PIK3C2A: variants seen among roughly 807,000 people sequenced by gnomAD.
PIK3C2A encodes phosphatidylinositol-4-phosphate 3-kinase catalytic subunit type 2 alpha.
Under a neutral mutation model 204.5 loss-of-function variants are expected in PIK3C2A, and 97 were observed. The ratio of observed to expected loss-of-function variants is 0.47; its 90% CI spans 0.40 to 0.56. The LOEUF (loss-of-function observed/expected upper bound fraction) is 0.56, where lower values mean the gene tolerates loss of function less well. Among genes scored for constraint, PIK3C2A ranks in the 20% least tolerant of loss-of-function variants. The pLI is 0.00. For missense variants in PIK3C2A, 1,735 were observed against 1,969.2 expected (o/e 0.88, Z 2.25); for synonymous variants, 653 against 664.4 (o/e 0.98, Z 0.26).
At chr11:17,199,301 C>T (rs1170460574) in intron 1 of PIK3C2A, among the ~76,000 whole-genome samples, 2 of 152,128 alleles carry the variant, frequency 1.3e-5, no homozygotes, top group Admixed American at 1.3e-4. Flanking sequence ...GGTACAGCCA[C>T]TTTGGAAAAC....
chr11:17,195,457 T>C lies in PIK3C2A; in HGVS notation c.-66+12391A>G, dbSNP rs188815058. On this transcript the variant is annotated intron_variant, in intron 1 of 32. Coordinates refer to ENST00000691414, the MANE Select transcript of PIK3C2A (RefSeq NM_002645.4). ...AAACATGGCCAGGTGCAGTGGCTCA[T>C]GCCAGCAAACCCAGCACTTTGGGAG... Among the ~76,000 whole-genome samples, 1,080 of 151,604 alleles carry C rather than the reference T, an allele frequency of 7.1e-3. 22 individuals carry two copies. The highest frequency in any genetic ancestry group is 0.025 in the African/African-American group (1,031 of 41,348).
At chr11:17,099,776 T>C (rs1848562112) in intron 26 of PIK3C2A, 84 bp downstream of exon 26, 2 of 655,976 alleles carry the variant, frequency 3.0e-6, no homozygotes, top group East Asian at 5.2e-5. Flanking sequence ...AGAATTTTGA[T>C]AAATAGCATT....
At chr11:17,097,832 T>C (rs1848496738) in intron 26 of PIK3C2A, among the ~76,000 whole-genome samples, 1 of 152,194 alleles carries the variant, frequency 6.6e-6, no homozygotes, top group African/African-American at 2.4e-5. Context: ...GAGAATTGCT[T>C]GAACCCAGGA....
At chr11:17,207,003 A>T (rs546562660) in intron 1 of PIK3C2A, among the ~76,000 whole-genome samples, 1 of 152,330 alleles carries the variant, frequency 6.6e-6, no homozygotes, top group Non-Finnish European at 1.5e-5. Flanking sequence ...GTATAGGAAA[A>T]GAACTACAAC....
chr11:17,119,117 T>C, intron 17 of PIK3C2A, 103 bp downstream of exon 17: 3 of 721,472 alleles, frequency 4.2e-6, no homozygotes, highest in Non-Finnish European at 7.2e-6. Context: ...GTTCCCACAC[T>C]AAAAAACGAC....
intron 2 of PIK3C2A, among the ~76,000 whole-genome samples, chr11:17,160,831 C>T (rs745891799): frequency 2.0e-5 from 3 of 151,960 alleles, no homozygotes; most frequent in Non-Finnish European, 2.9e-5. Context: ...CTTAACAAAA[C>T]CAAACCAAAA....
chr11:17,163,041 C>G (rs925012156), intron 2 of PIK3C2A, among the ~76,000 whole-genome samples: 2 of 151,990 alleles, frequency 1.3e-5, no homozygotes, highest in Non-Finnish European at 1.5e-5. Flanking sequence ...GCACGGTGGC[C>G]ACGCCTATAA....
chr11:17,129,937 A>C (rs1565261885), intron 12 of PIK3C2A, among the ~76,000 whole-genome samples: 1 of 152,352 alleles, frequency 6.6e-6, no homozygotes, highest in East Asian at 1.9e-4. Context: ...AGTCTGGCTA[A>C]CTTGTCCTAT....
intron 8 of PIK3C2A, chr11:17,138,194 T>C (rs981266257): frequency 3.2e-6 from 3 of 949,866 alleles, no homozygotes; most frequent in Admixed American, 1.7e-5. Flanking sequence ...ACACACCACA[T>C]GCAGATTTTG....
intron 13 of PIK3C2A, 151 bp from the exon 14 acceptor site, chr11:17,122,964 T>C (rs1384070558): frequency 3.6e-6 from 2 of 549,402 alleles, no homozygotes; most frequent in African/African-American, 1.9e-5. Context: ...ACTCTCCACA[T>C]TGTACTGAAA....
rs778644549 is a variant in PIK3C2A, at chr11:17,122,707, G to A, written c.2506C>T (p.Leu836=). The A allele has an allele frequency of 2.3e-6, 3 of 1,313,978 alleles. No individual in the cohort carries two copies. The highest frequency in any genetic ancestry group is 3.3e-6 in the Non-Finnish European group (3 of 911,556). The allele number at this position is 1,313,978 out of a possible 1,614,324, so 81.4% of individuals were successfully genotyped here. Residue 836 remains leucine (L), a synonymous_variant, in exon 14 of 33, where the codon CTA becomes TTA. Transcript: ENST00000691414. ...ATGTCAAGAAGTACCATTACCTGTAGCACTATTCTTTCCATGACATATCCT... is the reference window on the plus strand; with the variant it reads ...ATGTCAAGAAGTACCATTACCTGTAACACTATTCTTTCCATGACATATCCT... The part of the protein sequence containing the change: ...KKGYVMERIV[L]QVDFPSPAFD...
At chr11:17,149,459 G>T (rs1186388355) in intron 4 of PIK3C2A, among the ~76,000 whole-genome samples, 1 of 152,116 alleles carries the variant, frequency 6.6e-6, no homozygotes, top group Non-Finnish European at 1.5e-5. Context: ...GGTATCTGAA[G>T]GGGGTCCTGG....
chr11:17,204,110 G>T (rs1211451628), intron 1 of PIK3C2A, among the ~76,000 whole-genome samples: 1 of 150,590 alleles, frequency 6.6e-6, no homozygotes, highest in Non-Finnish European at 1.5e-5. Context: ...CTCCTGCCTC[G>T]ATCCTCCAAA....
chr11:17,152,416 T>C (rs1156509294), intron 3 of PIK3C2A, among the ~76,000 whole-genome samples: 3 of 152,112 alleles, frequency 2.0e-5, no homozygotes, highest in Non-Finnish European at 4.4e-5. Flanking sequence ...TTCCTTACAA[T>C]TGAGGTTTTT....
intron 8 of PIK3C2A, chr11:17,138,324 CCT>C: frequency 8.0e-6 from 3 of 373,368 alleles, no homozygotes; most frequent in East Asian, 4.3e-5. Flanking sequence ...CAGCCAGCTT[CCT>C]TTTTTTTTTT....
intron 1 of PIK3C2A, among the ~76,000 whole-genome samples, chr11:17,196,169 T>C (rs1166529995): frequency 6.6e-6 from 1 of 152,084 alleles, no homozygotes; most frequent in African/African-American, 2.4e-5. Flanking sequence ...CAGAAATCTC[T>C]CCAAAAAAAT....
At chr11:17,100,019 G>C in intron 25 of PIK3C2A, 50 bp from the exon 26 acceptor site, 1 of 862,242 alleles carries the variant, frequency 1.2e-6, no homozygotes, top group Non-Finnish European at 2.0e-6. Context: ...TAAAACATTT[G>C]TTCCTCACTC....
intron 24 of PIK3C2A, among the ~76,000 whole-genome samples, chr11:17,102,330 A>C (rs562142705): frequency 6.6e-6 from 1 of 151,832 alleles, no homozygotes; most frequent in East Asian, 1.9e-4. Context: ...CCAGCTACTC[A>C]GGAGGCTGAG....
chr11:17,116,114 C>T (rs1849180027), intron 19 of PIK3C2A, among the ~76,000 whole-genome samples: 1 of 152,026 alleles, frequency 6.6e-6, no homozygotes, highest in South Asian at 2.1e-4. Flanking sequence ...AAAAAGACAA[C>T]TGCAGAATGA....
Sources: allele counts gnomAD v4.1 joint callset (sites outside exome capture counted in the v4.1 genomes callset), GRCh38; gene constraint gnomAD v4.1.1; transcripts MANE v1.5; gene names NCBI Gene and HGNC (gene_info 2026-07-23, HGNC 2026-07-21).